The following ERBB4 variants were observed in gnomAD, a reference collection of about 807,000 sequenced individuals.
ERBB4 encodes the protein receptor tyrosine-protein kinase erbB-4.
Under a neutral mutation model 158.0 loss-of-function variants are expected in ERBB4, and 42 were observed. The observed-to-expected ratio is 0.27, with a 90% CI of 0.21 to 0.34. The LOEUF is 0.34. Among genes scored for constraint, ERBB4 ranks in the 10% least tolerant of loss-of-function variants. ERBB4 has a pLI of 1.00. For missense variants in ERBB4, 1,333 were observed against 1,624.1 expected, an observed-to-expected ratio of 0.82 and a Z score of 3.08; for synonymous variants, 583 against 558.7, an observed-to-expected ratio of 1.04 and a Z score of -0.61.
intron 1 of ERBB4, among the ~76,000 whole-genome samples, chr2:212,520,401 T>A (rs575130304): frequency 2.0e-5 from 3 of 152,072 alleles, no homozygotes; most frequent in Admixed American, 6.6e-5. Flanking sequence ...TGGGTTACTA[T>A]TCTTGCACAT....
chr2:212,296,593 G>T (rs1055464690), intron 1 of ERBB4, among the ~76,000 whole-genome samples: 1 of 151,828 alleles, frequency 6.6e-6, no homozygotes, highest in African/African-American at 2.4e-5. Context: ...CAGATAATTT[G>T]CACACTCCCT....
In ERBB4 at chr2:211,481,048, G is replaced by C. The variant is rs369440348; in HGVS notation, c.2488-49948C>G. ...TAGGACTCACAACCTCCAGTCACTT[G>C]GTTCACCAATTACACACCTATAGTA... On this transcript the variant is annotated intron_variant, in intron 20 of 27. Transcript: ENST00000342788. Among the ~76,000 whole-genome samples the C allele has an allele frequency of 4.6e-5, 7 of 152,154 alleles. No individual in the cohort carries two copies. In the East Asian group the frequency reaches 9.7e-4, roughly 21 times the overall value.
intron 1 of ERBB4, among the ~76,000 whole-genome samples, chr2:212,402,781 T>C (rs1056872484): frequency 6.6e-6 from 1 of 152,094 alleles, no homozygotes; most frequent in African/African-American, 2.4e-5. Flanking sequence ...ATTTTTGTTT[T>C]ATTTTGTACA....
At chr2:211,852,353 G>A (rs370563042) in intron 3 of ERBB4, among the ~76,000 whole-genome samples, 1 of 152,038 alleles carries the variant, frequency 6.6e-6, no homozygotes, top group African/African-American at 2.4e-5. Flanking sequence ...TGCTGAATCG[G>A]CACTGACACT....
chr2:211,554,480 G>A (rs954625236), intron 20 of ERBB4, among the ~76,000 whole-genome samples: 1 of 152,182 alleles, frequency 6.6e-6, no homozygotes, highest in Non-Finnish European at 1.5e-5. Context: ...CACAGCACAC[G>A]CAGTGCTGGA....
chr2:211,983,118 G>C (rs2081849934), intron 2 of ERBB4, among the ~76,000 whole-genome samples: 1 of 152,198 alleles, frequency 6.6e-6, no homozygotes, highest in Admixed American at 6.6e-5. Flanking sequence ...GAATGAAATG[G>C]TTGGTTGTAA....
At chr2:212,452,586 C>A (rs1688050352) in intron 1 of ERBB4, among the ~76,000 whole-genome samples, 1 of 152,062 alleles carries the variant, frequency 6.6e-6, no homozygotes, top group African/African-American at 2.4e-5. Context: ...AGAATAGAAT[C>A]TGTTATCATT....
chr2:211,625,915 T>G (rs913232909), intron 17 of ERBB4, among the ~76,000 whole-genome samples: 30 of 152,334 alleles, frequency 2.0e-4, no homozygotes, highest in African/African-American at 7.2e-4. Flanking sequence ...CAGTTCTACC[T>G]GAGCTTTTCA....
intron 1 of ERBB4, among the ~76,000 whole-genome samples, chr2:212,312,150 G>C (rs940104721): frequency 1.3e-5 from 2 of 150,832 alleles, no homozygotes; most frequent in Non-Finnish European, 3.0e-5. Context: ...GTAACTGCAG[G>C]GGGAGAAAGC....
At chr2:212,523,193 CATCT>C (rs1296457284) in intron 1 of ERBB4, among the ~76,000 whole-genome samples, 1 of 151,762 alleles carries the variant, frequency 6.6e-6, no homozygotes, top group African/African-American at 2.4e-5. Flanking sequence ...TGCATATGTA[CATCT>C]GTCTTTTTAT....
chr2:211,737,212 G>A (rs1343311021), intron 5 of ERBB4, among the ~76,000 whole-genome samples: 1 of 152,084 alleles, frequency 6.6e-6, no homozygotes, highest in Non-Finnish European at 1.5e-5. Flanking sequence ...ACACTAGTAT[G>A]AGAGTTAAGA....
intron 2 of ERBB4, among the ~76,000 whole-genome samples, chr2:212,030,249 T>C (rs766484142): frequency 1.3e-5 from 2 of 152,122 alleles, no homozygotes. Context: ...CTCCCTTTCC[T>C]ATTTCACTAC....
At position 211,420,600 on chromosome 2, in the gene ERBB4, A is replaced by T. The variant is rs1168093246; in HGVS notation, c.2976T>A (p.Arg992=). The part of the protein sequence containing the change: ...QRYLVIQGDD[R]MKLPSPNDSK... ...TGTCATTTGGACTGGGAAGCTTCAT[A>T]CGATCATCACCCTAAAAGAAAGATT... The change falls in exon 25 of 28, where the codon CGT becomes CGA. Residue 992 remains arginine (R), a synonymous_variant. Transcript: ENST00000342788. The T allele has an allele frequency of 6.2e-7, 1 of 1,608,320 alleles. No homozygotes were observed. Among genetic ancestry groups the T allele is most frequent in the African/African-American group, 1.4e-5 (1 of 70,984 alleles).
At chr2:212,485,393 C>T (rs1478887371) in intron 1 of ERBB4, among the ~76,000 whole-genome samples, 3 of 152,080 alleles carry the variant, frequency 2.0e-5, no homozygotes, top group Non-Finnish European at 2.9e-5. Context: ...GAAATATAAA[C>T]TCTTGGAAGG....
intron 20 of ERBB4, chr2:211,535,917 A>G (rs540729668): frequency 1.3e-5 from 2 of 152,190 alleles, no homozygotes; most frequent in East Asian, 3.9e-4. Flanking sequence ...GCATTTATAA[A>G]CAGCATTTAT....
chr2:211,541,481 C>T (rs941574013), intron 20 of ERBB4, among the ~76,000 whole-genome samples: 3 of 151,910 alleles, frequency 2.0e-5, no homozygotes, highest in Non-Finnish European at 4.4e-5. Context: ...AGACAGTGTG[C>T]CCATGAATAT....
intron 3 of ERBB4, among the ~76,000 whole-genome samples, chr2:211,823,172 ATTG>A (rs1273557879): frequency 6.6e-6 from 1 of 152,016 alleles, no homozygotes; most frequent in Non-Finnish European, 1.5e-5. Flanking sequence ...AGAATACATA[ATTG>A]TTGTTCCAAG....
intron 19 of ERBB4, among the ~76,000 whole-genome samples, chr2:211,582,450 C>G (rs1334870852): frequency 1.3e-5 from 2 of 152,188 alleles, no homozygotes; most frequent in Admixed American, 1.3e-4. Context: ...AGAACCAGAT[C>G]AAACTGAGAT....
At position 211,712,433 on chromosome 2, in the gene ERBB4, G is replaced by A. The variant is rs141479945; in HGVS notation, c.998-257C>T. 4.8e-4 allele frequency among the ~76,000 whole-genome samples: 73 copies of A among 152,174 alleles called. 1 individual carries two copies. In the East Asian group the frequency reaches 0.014, roughly 29 times the overall value. Reference sequence around the variant, plus strand: ...AAATTACATTTTATATCAAGACCCAGTATACACACATAACACATACATAAG... The same window carrying A: ...AAATTACATTTTATATCAAGACCCAATATACACACATAACACATACATAAG... On this transcript the variant is annotated intron_variant, in intron 8 of 27. Transcript: ENST00000342788.
Sources: gnomAD v4.1 joint callset for allele counts (sites outside exome capture counted in the v4.1 genomes callset) on GRCh38, gnomAD v4.1.1 for gene constraint, MANE v1.5 for transcripts, NCBI Gene and HGNC (gene_info 2026-07-23, HGNC 2026-07-21) for gene names.